KLHL13: variants seen among roughly 807,000 people sequenced by gnomAD.
KLHL13 encodes the protein kelch-like protein 13.
KLHL13 carries 10 observed loss-of-function variants against 37.1 expected under a neutral mutation model. The observed-to-expected ratio is 0.27, with a 90% CI of 0.17 to 0.46. KLHL13 has a LOEUF of 0.46. KLHL13 is among the 20% of genes least tolerant of loss of function. The pLI, the probability that KLHL13 is intolerant of heterozygous loss-of-function variation, is 1.00. For missense variants in KLHL13, 360 were observed against 509.3 expected (o/e 0.71, Z 2.82); for synonymous variants, 163 against 181.2 (o/e 0.90, Z 0.81).
intron 1 of KLHL13, among the ~76,000 whole-genome samples, chrX:118,066,603 T>A (rs1244372437): frequency 1.8e-5 from 2 of 111,353 alleles, no homozygotes; most frequent in African/African-American, 3.3e-5. Flanking sequence ...CTTGTAGCTA[T>A]GAAAAACATG....
chrX:117,905,817 T>C (rs1166651507), intron 5 of KLHL13, among the ~76,000 whole-genome samples: 1 of 111,452 alleles, frequency 9.0e-6, no homozygotes, highest in Non-Finnish European at 1.9e-5. Context: ...ATAATCCAAT[T>C]ATATATACTC....
intron 1 of KLHL13, among the ~76,000 whole-genome samples, chrX:117,969,464 T>A (rs1429316745): frequency 8.9e-6 from 1 of 111,893 alleles, no homozygotes. Flanking sequence ...GGTTTGCACC[T>A]GTCAGGGGCA....
At chrX:117,972,839 C>T (rs373075474) in exon 1 of KLHL13, 3 of 1,207,089 alleles carry the variant, frequency 2.5e-6, no homozygotes, top group African/African-American at 1.7e-5. Flanking sequence ...GTTGTCACCA[C>T]GGTACTACAA....
At chrX:117,966,218 G>C (rs1361124305) in intron 1 of KLHL13, among the ~76,000 whole-genome samples, 1 of 111,833 alleles carries the variant, frequency 8.9e-6, no homozygotes, top group African/African-American at 3.3e-5. Flanking sequence ...AAAGTCTCAG[G>C]ATACAAAATC....
intron 1 of KLHL13, among the ~76,000 whole-genome samples, chrX:118,090,080 CAA>C (rs55679488): frequency 0.032 from 1,700 of 53,680 alleles, 30 homozygotes; most frequent in African/African-American, 0.062. Flanking sequence ...GACTCTGTCT[CAA>C]AAAAAAAAAA....
intron 1 of KLHL13, among the ~76,000 whole-genome samples, chrX:118,018,871 A>C (rs1478728381): frequency 1.8e-5 from 2 of 111,426 alleles, no homozygotes; most frequent in Non-Finnish European, 3.8e-5. Flanking sequence ...TCTAGCACTA[A>C]GGGGTTGTTT....
chrX:117,975,364 C>G (rs868303413), upstream of KLHL13, among the ~76,000 whole-genome samples: 4 of 112,182 alleles, frequency 3.6e-5, no homozygotes, highest in African/African-American at 1.3e-4. Context: ...AAAAGAGACT[C>G]AATCATTTTC....
At chrX:118,015,453 T>A (rs2054117614) in intron 1 of KLHL13, among the ~76,000 whole-genome samples, 1 of 110,725 alleles carries the variant, frequency 9.0e-6, no homozygotes, top group South Asian at 3.8e-4. Context: ...TCAGAAAAAA[T>A]TGAGACTCGA....
chrX:117,962,071 T>C (rs770630404), intron 1 of KLHL13, among the ~76,000 whole-genome samples: 3 of 105,903 alleles, frequency 2.8e-5, no homozygotes, highest in Admixed American at 1.0e-4. Flanking sequence ...ATAAGCTGGG[T>C]GTGGTGATGC....
intron 1 of KLHL13, among the ~76,000 whole-genome samples, chrX:118,053,528 A>T (rs1359308127): frequency 9.0e-6 from 1 of 110,573 alleles, no homozygotes; most frequent in Non-Finnish European, 1.9e-5. Context: ...ATTAGGAGAT[A>T]TACCTAATGT....
intron 1 of KLHL13, among the ~76,000 whole-genome samples, chrX:117,967,080 A>G (rs1197786196): frequency 8.9e-6 from 1 of 111,872 alleles, no homozygotes; most frequent in East Asian, 2.8e-4. Context: ...TAAACTCAAG[A>G]GCTTCTGCAC....
At chrX:117,938,428 T>A (rs1448908261) in intron 2 of KLHL13, among the ~76,000 whole-genome samples, 2 of 111,675 alleles carry the variant, frequency 1.8e-5, no homozygotes, top group Non-Finnish European at 3.8e-5. Flanking sequence ...ATCTGCAGCA[T>A]CATCTAGAAA....
At chrX:117,998,168 T>C (rs760101674) in intron 1 of KLHL13, among the ~76,000 whole-genome samples, 1 of 111,737 alleles carries the variant, frequency 8.9e-6, no homozygotes, top group Non-Finnish European at 1.9e-5. Context: ...AATACATAGG[T>C]ACACAGAAAC....
At chrX:118,023,517 T>A (rs1422091240) in intron 1 of KLHL13, among the ~76,000 whole-genome samples, 2 of 112,014 alleles carry the variant, frequency 1.8e-5, no homozygotes, top group African/African-American at 3.2e-5. Context: ...TCTTAAACCA[T>A]TCTCATGCTG....
intron 1 of KLHL13, among the ~76,000 whole-genome samples, chrX:118,033,493 C>T (rs1186778505): frequency 9.1e-6 from 1 of 110,338 alleles, no homozygotes; most frequent in African/African-American, 3.3e-5. Flanking sequence ...CCAAACTAAG[C>T]TTCATAAGTG....
rs192995660 is a variant in KLHL13 at position 117,985,809 on chromosome X, C to G, written c.-55-40234G>C. ...GCCCATAGTTGCCAGTCATTAAGTC[C>G]TATCTTTTTTTCTTTATCAATCTCC... is the stretch of plus-strand genomic sequence containing the variant. On this transcript the variant is annotated intron_variant, in intron 1 of 6. Coordinates refer to the KLHL13 transcript ENST00000371882. Among the ~76,000 whole-genome samples, 1,090 of 110,478 alleles carry G rather than the reference C, an allele frequency of 9.9e-3. 4 individuals are homozygous for G. The highest frequency in any genetic ancestry group is 0.015 in the Non-Finnish European group (785 of 52,738).
Position 118,070,638 on chromosome X carries a change from T to C in KLHL13, c.-56+45870A>G, listed in dbSNP as rs188017721. Among the ~76,000 whole-genome samples, 903 of 110,957 alleles carry C rather than the reference T, an allele frequency of 8.1e-3. 9 individuals are homozygous for C. The highest frequency in any genetic ancestry group is 0.026 in the African/African-American group (794 of 30,247). ...GTATTCAAATTATGTATAACCATAA[T>C]AGATTTTTTTTTGTCTGCTTGTTCT... On this transcript the variant is annotated intron_variant, in intron 1 of 6. Coordinates refer to the KLHL13 transcript ENST00000371882.
chrX:117,966,282 C>T (rs2053428868), intron 1 of KLHL13, among the ~76,000 whole-genome samples: 1 of 111,447 alleles, frequency 9.0e-6, no homozygotes, highest in African/African-American at 3.3e-5. Context: ...AACAGACAGC[C>T]AAATCATGAG....
chrX:117,979,077 T>G (rs745947299), intron 1 of KLHL13, among the ~76,000 whole-genome samples: 7 of 110,764 alleles, frequency 6.3e-5, no homozygotes, highest in African/African-American at 2.3e-4. Context: ...ATTACAGGCA[T>G]GCGCCACCAC....
Sources: gnomAD v4.1 joint callset for allele counts (sites outside exome capture counted in the v4.1 genomes callset) on GRCh38, gnomAD v4.1.1 for gene constraint, MANE v1.5 for transcripts, NCBI Gene and HGNC (gene_info 2026-07-23, HGNC 2026-07-21) for gene names.